MICU3: variants seen among roughly 807,000 people sequenced by gnomAD.
MICU3 encodes the protein mitochondrial calcium uptake 3.
Under a neutral mutation model 66.5 loss-of-function variants are expected in MICU3, and 62 were observed. That is an observed-to-expected ratio of 0.93 (90% CI 0.76 to 1.15). MICU3 has a LOEUF of 1.15. Ranked by LOEUF, MICU3 falls within the 50% of genes most tolerant of loss-of-function variation. The pLI is 0.00. For synonymous variants in MICU3, 308 were observed against 240.7 expected (o/e 1.28, Z -2.59); for missense variants, 779 against 664.4 (o/e 1.17, Z -1.90).
intron 1 of MICU3, among the ~76,000 whole-genome samples, chr8:17,054,989 A>G (rs1215628376): frequency 1.3e-5 from 2 of 152,038 alleles, no homozygotes; most frequent in Admixed American, 1.3e-4. Context: ...CGCCTGCCTC[A>G]GCCTCCTAAA....
chr8:17,027,423 TGAG>T lies in MICU3; in HGVS notation c.148_150del (p.Glu50del). 2.9e-6 allele frequency: 4 copies of T among 1,370,034 alleles called. No homozygotes were observed. Among genetic ancestry groups the T allele is most frequent in the Non-Finnish European group, 2.8e-6 (3 of 1,067,320 alleles). 84.9% of individuals were successfully genotyped at this position (1,370,034 alleles called of 1,614,324 possible). On this transcript the variant is annotated inframe_deletion, in exon 1 of 15. Coordinates refer to ENST00000318063, the MANE Select transcript of MICU3 (RefSeq NM_181723.3). ...GCCGGCCCTTCTCCTCCCGAGAGGA[TGAG>T]GAGAGGGCTGTGGCGGAGGCGGCAT...
downstream of MICU3, among the ~76,000 whole-genome samples, chr8:17,123,235 G>T (rs1335498497): frequency 6.6e-6 from 1 of 152,046 alleles, no homozygotes; most frequent in East Asian, 1.9e-4. Context: ...TTTATTTGTA[G>T]TTCTCTATAT....
chr8:17,080,202 C>T (rs1434029547), intron 4 of MICU3, among the ~76,000 whole-genome samples: 1 of 151,810 alleles, frequency 6.6e-6, no homozygotes, highest in Non-Finnish European at 1.5e-5. Flanking sequence ...GTAGTATTTT[C>T]TCTTTTCCTT....
intron 5 of MICU3, among the ~76,000 whole-genome samples, chr8:17,084,319 A>G (rs1563351234): frequency 6.6e-6 from 1 of 152,140 alleles, no homozygotes; most frequent in Non-Finnish European, 1.5e-5. Context: ...AAATACATGC[A>G]ACAAGTGAGC....
At chr8:17,076,072 G>T (rs1820347875) in intron 3 of MICU3, among the ~76,000 whole-genome samples, 1 of 151,926 alleles carries the variant, frequency 6.6e-6, no homozygotes, top group Non-Finnish European at 1.5e-5. Context: ...GTTTGCCTAG[G>T]CTGGAGTGCA....
intron 8 of MICU3, among the ~76,000 whole-genome samples, chr8:17,097,899 G>C (rs1313485124): frequency 6.6e-6 from 1 of 151,672 alleles, no homozygotes; most frequent in Non-Finnish European, 1.5e-5. Context: ...ATTCACAATA[G>C]AAACACCTGC....
rs148020329 is a variant in MICU3, at chr8:17,104,266, T to C, written c.985-125T>C. 291 of 417,832 alleles carry C rather than the reference T, an allele frequency of 7.0e-4. 1 individual carries two copies. The highest frequency in any genetic ancestry group is 2.4e-4 in the Non-Finnish European group (55 of 232,048). 25.9% of individuals were successfully genotyped at this position (417,832 alleles called of 1,614,324 possible). A position where few individuals can be genotyped will look rare whatever the true frequency, so the allele number is the denominator to read the frequency against. On this transcript the variant is annotated intron_variant, in intron 9 of 14. Transcript: ENST00000318063. ...ATTAATATGCCTGTGTTTTTCATTC[T>C]AATATTAATATATTTACATTCTTGA...
chr8:17,129,653 T>A, the MICU3 span, among the ~76,000 whole-genome samples: 1 of 152,106 alleles, frequency 6.6e-6, no homozygotes, highest in Admixed American at 6.5e-5. Context: ...CTCAGTGAAC[T>A]ATGGAACCAC....
chr8:17,060,241 G>C (rs1349339079), intron 1 of MICU3, among the ~76,000 whole-genome samples: 1 of 151,796 alleles, frequency 6.6e-6, no homozygotes, highest in Admixed American at 6.6e-5. Flanking sequence ...TTGATAATAA[G>C]TAGACTATTC....
chr8:17,113,137 A>G (rs1256498529), intron 11 of MICU3, among the ~76,000 whole-genome samples: 1 of 152,186 alleles, frequency 6.6e-6, no homozygotes, highest in Non-Finnish European at 1.5e-5. Context: ...ATTTGATCTA[A>G]TCAGTAGCTG....
intron 1 of MICU3, among the ~76,000 whole-genome samples, chr8:17,039,157 T>A (rs1000334756): frequency 3.3e-5 from 5 of 152,174 alleles, no homozygotes; most frequent in African/African-American, 4.8e-5. Context: ...TAAATTAAGT[T>A]ATGTACTGTT....
intron 3 of MICU3, among the ~76,000 whole-genome samples, chr8:17,070,231 C>G (rs1383754593): frequency 6.6e-6 from 1 of 151,890 alleles, no homozygotes; most frequent in Non-Finnish European, 1.5e-5. Flanking sequence ...GGCCCCAAAA[C>G]TTTAATATAT....
chr8:17,070,780 G>A (rs981213541), intron 3 of MICU3, among the ~76,000 whole-genome samples: 2 of 151,974 alleles, frequency 1.3e-5, no homozygotes, highest in African/African-American at 2.4e-5. Context: ...AGGTATATTA[G>A]TCCCCGTTTA....
At chr8:17,131,002 C>A in the MICU3 span, among the ~76,000 whole-genome samples, 2 of 151,976 alleles carry the variant, frequency 1.3e-5, no homozygotes, top group Non-Finnish European at 2.9e-5. Flanking sequence ...CCTATGTAAA[C>A]AGTAATAAGA....
chr8:17,119,006 T>C (rs2959599), intron 14 of MICU3, among the ~76,000 whole-genome samples: 9,701 of 152,218 alleles, frequency 0.064, 438 homozygotes, highest in East Asian at 0.25. Flanking sequence ...ATAGGATAAT[T>C]AGCACCCAAA....
At chr8:17,048,270 C>G (rs1316363021) in intron 1 of MICU3, among the ~76,000 whole-genome samples, 2 of 152,106 alleles carry the variant, frequency 1.3e-5, no homozygotes, top group Non-Finnish European at 2.9e-5. Context: ...ATAGCCCTCA[C>G]AAGGACTACA....
intron 6 of MICU3, among the ~76,000 whole-genome samples, chr8:17,086,661 A>G (rs1358531045): frequency 6.6e-6 from 1 of 152,078 alleles, no homozygotes; most frequent in East Asian, 1.9e-4. Flanking sequence ...CCCTGACTTA[A>G]AGTAAAAGAT....
At chr8:17,107,144 A>G (rs187280212) in intron 11 of MICU3, among the ~76,000 whole-genome samples, 1 of 152,310 alleles carries the variant, frequency 6.6e-6, no homozygotes, top group African/African-American at 2.4e-5. Flanking sequence ...ATGGAAATGT[A>G]TGTTAGTGGA....
At chr8:17,070,490 A>G (rs1480356731) in intron 3 of MICU3, among the ~76,000 whole-genome samples, 1 of 152,148 alleles carries the variant, frequency 6.6e-6, no homozygotes, top group African/African-American at 2.4e-5. Flanking sequence ...TAAATTCAAG[A>G]AAGTATTCAT....
Sources: allele counts gnomAD v4.1 joint callset (sites outside exome capture counted in the v4.1 genomes callset), GRCh38; gene constraint gnomAD v4.1.1; transcripts MANE v1.5; gene names NCBI Gene and HGNC (gene_info 2026-07-23, HGNC 2026-07-21).